SCHIP1: variants seen among roughly 807,000 people sequenced by gnomAD.
SCHIP1 encodes the protein schwannomin-interacting protein 1.
Under a neutral mutation model 29.7 loss-of-function variants are expected in SCHIP1, and 8 were observed. That is an observed-to-expected ratio of 0.27 (90% confidence interval 0.16 to 0.49). The LOEUF (loss-of-function observed/expected upper bound fraction) is 0.49. Ranked by LOEUF, SCHIP1 falls within the 20% of genes least tolerant of loss-of-function variation. SCHIP1 has a pLI of 0.99. For synonymous variants in SCHIP1, 76 were observed against 94.9 expected, an observed-to-expected ratio of 0.80 and a Z score of 1.16; for missense variants, 193 against 294.6, an observed-to-expected ratio of 0.66 and a Z score of 2.52.
chr3:159,695,171 G>A, the SCHIP1 span, among the ~76,000 whole-genome samples: 4 of 152,182 alleles, frequency 2.6e-5, no homozygotes, highest in Non-Finnish European at 4.4e-5. Flanking sequence ...TGCTGACCCT[G>A]TAACTAAACA....
At chr3:159,600,666 A>G in the SCHIP1 span, among the ~76,000 whole-genome samples, 1 of 151,998 alleles carries the variant, frequency 6.6e-6, no homozygotes, top group Non-Finnish European at 1.5e-5. Context: ...CTTTATTGGG[A>G]ATTTTAACAT....
At chr3:159,713,819 A>G in the SCHIP1 span, among the ~76,000 whole-genome samples, 1 of 152,064 alleles carries the variant, frequency 6.6e-6, no homozygotes, top group Non-Finnish European at 1.5e-5. Flanking sequence ...AGCTGGGAAC[A>G]AAGGGAATTT....
chr3:159,886,306 C>T (rs976107244), exon 3 of SCHIP1: 6 of 1,614,016 alleles, frequency 3.7e-6, no homozygotes, highest in Non-Finnish European at 5.1e-6. Context: ...CCAGCTTGGA[C>T]ACCCCCTTGT....
the SCHIP1 span, among the ~76,000 whole-genome samples, chr3:159,740,781 A>AAG: frequency 6.6e-6 from 1 of 150,626 alleles, no homozygotes; most frequent in African/African-American, 2.4e-5. Context: ...GAAAAAAAAA[A>AAG]AAAAAAAAAA....
chr3:159,763,423 C>T, the SCHIP1 span, among the ~76,000 whole-genome samples: 1 of 152,084 alleles, frequency 6.6e-6, no homozygotes, highest in Non-Finnish European at 1.5e-5. Flanking sequence ...CGGCTTGAGG[C>T]AAGCCAAGAA....
At chr3:159,629,563 G>C in the SCHIP1 span, among the ~76,000 whole-genome samples, 1 of 152,148 alleles carries the variant, frequency 6.6e-6, no homozygotes, top group African/African-American at 2.4e-5. Flanking sequence ...TTTCCAGAAT[G>C]AAAGTGACTT....
chr3:159,517,445 G>C, the SCHIP1 span, among the ~76,000 whole-genome samples: 1 of 152,040 alleles, frequency 6.6e-6, no homozygotes, highest in Non-Finnish European at 1.5e-5. Flanking sequence ...GTGATATTTG[G>C]ATCATGGATG....
chr3:159,449,135 C>T, the SCHIP1 span, among the ~76,000 whole-genome samples: 1 of 152,196 alleles, frequency 6.6e-6, no homozygotes, highest in African/African-American at 2.4e-5. Flanking sequence ...CATGGCCTTA[C>T]CTGCAGCTAA....
chr3:159,799,338 C>A, the SCHIP1 span, among the ~76,000 whole-genome samples: 1 of 152,220 alleles, frequency 6.6e-6, no homozygotes. Flanking sequence ...TGAATCTTAA[C>A]CCTGGGCAAA....
chr3:159,405,384 A>G, the SCHIP1 span, among the ~76,000 whole-genome samples: 1 of 152,252 alleles, frequency 6.6e-6, no homozygotes, highest in African/African-American at 2.4e-5. Flanking sequence ...AGGAAACTCA[A>G]CACAATTCAA....
At chr3:159,869,703 C>G (rs1030075369) in intron 2 of SCHIP1, among the ~76,000 whole-genome samples, 2 of 151,480 alleles carry the variant, frequency 1.3e-5, no homozygotes, top group Admixed American at 1.3e-4. Context: ...TTTTATTCCT[C>G]CACATAAACT....
the SCHIP1 span, among the ~76,000 whole-genome samples, chr3:159,824,905 T>C: frequency 6.6e-6 from 1 of 152,212 alleles, no homozygotes; most frequent in Non-Finnish European, 1.5e-5. Context: ...TTCTTTTTAA[T>C]TTACTTTTTT....
chr3:159,417,578 A>G, the SCHIP1 span, among the ~76,000 whole-genome samples: 3 of 152,254 alleles, frequency 2.0e-5, no homozygotes, highest in East Asian at 3.9e-4. Flanking sequence ...TGCATAGGTA[A>G]ATAGACGGAT....
chr3:159,653,749 T>TAA, the SCHIP1 span, among the ~76,000 whole-genome samples: 77 of 108,882 alleles, frequency 7.1e-4, 1 homozygote, highest in South Asian at 9.6e-3. Flanking sequence ...GAACTTAAAG[T>TAA]AAAAAAAAAA....
chr3:159,673,502 T>C, the SCHIP1 span, among the ~76,000 whole-genome samples: 1 of 152,242 alleles, frequency 6.6e-6, no homozygotes, highest in African/African-American at 2.4e-5. Context: ...ATCTCTCACC[T>C]GATTCCATAT....
the SCHIP1 span, among the ~76,000 whole-genome samples, chr3:159,663,313 C>G: frequency 6.6e-6 from 1 of 152,052 alleles, no homozygotes; most frequent in Non-Finnish European, 1.5e-5. Context: ...CTAAGTGTGC[C>G]TGTTGGTAGG....
intron 1 of SCHIP1, among the ~76,000 whole-genome samples, chr3:159,848,182 C>T (rs949316264): frequency 1.3e-5 from 2 of 152,186 alleles, no homozygotes; most frequent in African/African-American, 4.8e-5. Context: ...AACCAAAGCT[C>T]TTCATGCTAG....
chr3:159,878,197 G>T (rs1314193731), intron 2 of SCHIP1, among the ~76,000 whole-genome samples: 1 of 152,192 alleles, frequency 6.6e-6, no homozygotes, highest in Non-Finnish European at 1.5e-5. Flanking sequence ...TCTTGCCAAG[G>T]CCGGGCGCAG....
At chr3:159,716,630 A>G in the SCHIP1 span, among the ~76,000 whole-genome samples, 6 of 152,194 alleles carry the variant, frequency 3.9e-5, no homozygotes, top group Non-Finnish European at 8.8e-5. Flanking sequence ...CAAAGATCAG[A>G]AGAGGAAAAG....
Sources: allele counts gnomAD v4.1 joint callset (sites outside exome capture counted in the v4.1 genomes callset), GRCh38; gene constraint gnomAD v4.1.1; transcripts MANE v1.5; gene names NCBI Gene and HGNC (gene_info 2026-07-23, HGNC 2026-07-21).